FAM149A: variants seen among roughly 807,000 people sequenced by gnomAD.
FAM149A encodes the protein protein FAM149A.
FAM149A carries 71 observed loss-of-function variants against 78.2 expected under a neutral mutation model. The observed-to-expected ratio is 0.91, with a 90% CI of 0.75 to 1.11. The LOEUF is 1.11. Among genes scored for constraint, FAM149A ranks in the 50% least tolerant of loss-of-function variants. The pLI, the probability that FAM149A is intolerant of heterozygous loss-of-function variation, is 0.00. For synonymous variants in FAM149A, 446 were observed against 410.5 expected, an observed-to-expected ratio of 1.09 and a Z score of -1.04; for missense variants, 1,036 against 971.0, an observed-to-expected ratio of 1.07 and a Z score of -0.89.
rs1022199621 is a variant in FAM149A, at chr4:186,144,114, C to T, written c.567-5059C>T. On this transcript the variant is annotated intron_variant, in intron 1 of 13. Coordinates refer to ENST00000389354, the MANE Select transcript of FAM149A (RefSeq NM_001367768.3). This position sits in a 1 kb window ranked among gnomAD's most constrained non-coding sequence, Gnocchi z 4.2. Reference sequence around the variant, plus strand: ...AGGCATGCCTCGTGCAGTGCCCACCCTCTGAGACTCAAAAATGTAGTTCAC... The same window carrying T: ...AGGCATGCCTCGTGCAGTGCCCACCTTCTGAGACTCAAAAATGTAGTTCAC... The T allele has an allele frequency of 6.6e-6, 1 of 152,218 alleles. No homozygotes were observed. The highest frequency in any genetic ancestry group is 2.4e-5 in the African/African-American group (1 of 41,446). 9.4% of individuals were successfully genotyped at this position (152,218 alleles called of 1,614,324 possible).
chr4:186,127,006 G>A, intron 1 of FAM149A: 1 of 985,396 alleles, frequency 1.0e-6, no homozygotes, highest in Non-Finnish European at 1.2e-6. Context: ...ATTTTGTAAT[G>A]GTAGAGCTGT....
In FAM149A at chr4:186,104,836, G is replaced by T. The variant is rs115416898; in HGVS notation, c.-241G>T. The T allele has an allele frequency of 0.12, 60,843 of 522,438 alleles. 3,809 individuals carry two copies. Among genetic ancestry groups the T allele is most frequent in the South Asian group, 0.13 (1,603 of 12,280 alleles). 32.4% of individuals were successfully genotyped at this position (522,438 alleles called of 1,614,324 possible). A position where few individuals can be genotyped will look rare whatever the true frequency, so the allele number is the denominator to read the frequency against. ...CTTCGGCCCTCGGGGGTCTCACGGC[G>T]CTGGGACGAGGCGGGGCTGCTCTCC... is the stretch of plus-strand genomic sequence containing the variant. On this transcript the variant is annotated 5_prime_UTR_variant, in exon 1 of 14. Coordinates refer to ENST00000389354, the MANE Select transcript of FAM149A (RefSeq NM_001367768.3).
chr4:186,110,518 A>G (rs1224793663), intron 1 of FAM149A, among the ~76,000 whole-genome samples: 10 of 141,164 alleles, frequency 7.1e-5, no homozygotes, highest in African/African-American at 1.9e-4. Flanking sequence ...AGCATTAGGT[A>G]TATCTCCCAA....
Position 186,137,012 on chromosome 4 carries a change from CTCTCTCTAA to C in FAM149A, c.567-12160_567-12152del, listed in dbSNP as rs1267266306. Reference sequence around the variant, plus strand: ...TCTCTCTCTCTCTCTCTCTCTCTCTCTCTCTCTAAGTGCTTAAAGCAGGGCCTGGTGTGT... The same window carrying C: ...TCTCTCTCTCTCTCTCTCTCTCTCTCGTGCTTAAAGCAGGGCCTGGTGTGT... On this transcript the variant is annotated intron_variant, in intron 1 of 13. Coordinates refer to ENST00000389354, the MANE Select transcript of FAM149A (RefSeq NM_001367768.3). 3.8e-3 allele frequency among the ~76,000 whole-genome samples: 482 copies of C among 127,032 alleles called. 6 individuals carry two copies. Among genetic ancestry groups the C allele is most frequent in the East Asian group, 0.02 (55 of 2,820 alleles). 83.3% of individuals were successfully genotyped at this position (127,032 alleles called of 152,430 possible). A position where few individuals can be genotyped will look rare whatever the true frequency, so the allele number is the denominator to read the frequency against.
intron 1 of FAM149A, among the ~76,000 whole-genome samples, chr4:186,136,995 TC>T (rs2099323513): frequency 7.0e-6 from 1 of 142,832 alleles, no homozygotes; most frequent in African/African-American, 2.6e-5. Flanking sequence ...TCTCTCTCTC[TC>T]TCTCTCTCTC....
chr4:186,129,327 A>C (rs1163192249), intron 1 of FAM149A, among the ~76,000 whole-genome samples: 4 of 152,190 alleles, frequency 2.6e-5, no homozygotes, highest in Non-Finnish European at 4.4e-5. Flanking sequence ...GATTGACCAA[A>C]GGAGAGAGCA....
intron 1 of FAM149A, chr4:186,125,810 G>A: frequency 2.0e-6 from 2 of 985,316 alleles, no homozygotes; most frequent in Non-Finnish European, 1.2e-6. Flanking sequence ...CAACCGTTTG[G>A]AAGGGAGGCC....
intron 1 of FAM149A, chr4:186,118,362 C>T (rs142907922): frequency 4.9e-5 from 19 of 391,196 alleles, no homozygotes; most frequent in African/African-American, 2.8e-4. Flanking sequence ...GTCCATGAAG[C>T]GGTAAGTGCA....
At position 186,136,976 on chromosome 4, in the gene FAM149A, T is replaced by TTCTCTCTCTCTCTCTC. The variant is rs70964917; in HGVS notation, c.567-12169_567-12154dup. ...TCTCTCTCTCTCTTTCTCTCTCTCT[T>TTCTCTCTCTCTCTCTC]TCTCTCTCTCTCTCTCTCTCTCTCT... is the stretch of plus-strand genomic sequence containing the variant. On this transcript the variant is annotated intron_variant, in intron 1 of 13. Transcript: ENST00000389354. Among the ~76,000 whole-genome samples the TTCTCTCTCTCTCTCTC allele has an allele frequency of 3.1e-4, 22 of 72,104 alleles. 1 individual carries two copies. The highest frequency in any genetic ancestry group is 5.0e-4 in the Admixed American group (3 of 6,032). The allele number at this position is 72,104 out of a possible 152,430, so 47.3% of individuals were successfully genotyped here.
In FAM149A at chr4:186,146,748, G is replaced by T. The variant is rs1733076161; in HGVS notation, c.567-2425G>T. On this transcript the variant is annotated intron_variant, in intron 1 of 13. Transcript: ENST00000389354. ...CAAAGAAGAGCTGTGACTTTTTAAC[G>T]AGTAAAACGTTATCCAATAGTGTCT... is the stretch of plus-strand genomic sequence containing the variant. The T allele has an allele frequency of 1.9e-5, 18 of 967,266 alleles. No individual in the cohort carries two copies. The South Asian group carries it at 8.6e-4, about 46-fold the overall frequency. The allele number at this position is 967,266 out of a possible 1,614,324, so 59.9% of individuals were successfully genotyped here.
chr4:186,132,536 G>C (rs941172553), intron 1 of FAM149A, among the ~76,000 whole-genome samples: 2 of 152,208 alleles, frequency 1.3e-5, no homozygotes, highest in Non-Finnish European at 2.9e-5. Flanking sequence ...GAATGTGCCA[G>C]GGAGACAGGT....
rs140552284 is a variant in FAM149A at position 186,121,246 on chromosome 4, A to T, written c.566+15604A>T. ...CAATTAGAGATGGCATTGCCAGGGA[A>T]AGGCTGTTCCTGCACGTCAGCATTT... On this transcript the variant is annotated intron_variant, in intron 1 of 13. Coordinates refer to ENST00000389354, the MANE Select transcript of FAM149A (RefSeq NM_001367768.3). 1.6e-3 allele frequency among the ~76,000 whole-genome samples: 240 copies of T among 152,318 alleles called. 1 individual carries two copies. The highest frequency in any genetic ancestry group is 5.5e-3 in the African/African-American group (227 of 41,562).
chr4:186,105,652 A>C lies in FAM149A; in HGVS notation c.566+10A>C. 9.4e-7 allele frequency: 1 copy of C among 1,058,362 alleles called. No homozygotes were observed. The highest frequency in any genetic ancestry group is 1.1e-6 in the Non-Finnish European group (1 of 871,548). 65.6% of individuals were successfully genotyped at this position (1,058,362 alleles called of 1,614,324 possible). ...CCGGGGATGGCGAAGCGTGAGTAGC[A>C]GCGTGGTCCGGGCGCGTGTACCTTT... On this transcript the variant is annotated intron_variant, in intron 1 of 13. Transcript: ENST00000389354.
chr4:186,155,908 G>A, intron 6 of FAM149A, 92 bp from the exon 7 acceptor site: 1 of 934,382 alleles, frequency 1.1e-6, no homozygotes, highest in South Asian at 1.9e-5. Context: ...ATTAATATAT[G>A]TATACATGTA....
At chr4:186,158,631 A>ACC in intron 8 of FAM149A, 1 of 290,496 alleles carries the variant, frequency 3.4e-6, no homozygotes, top group African/African-American at 2.5e-5. Flanking sequence ...CAGCCCCTGC[A>ACC]CACACTGCCG....
At chr4:186,127,225 C>T in intron 1 of FAM149A, 1 of 964,760 alleles carries the variant, frequency 1.0e-6, no homozygotes, top group Non-Finnish European at 1.2e-6. Context: ...CAAGGAGGAA[C>T]TATTTTCACC....
At chr4:186,148,041 T>C (rs1002634202) in intron 1 of FAM149A, among the ~76,000 whole-genome samples, 1 of 152,208 alleles carries the variant, frequency 6.6e-6, no homozygotes, top group Non-Finnish European at 1.5e-5. Context: ...AAATTCTCTT[T>C]GTTGGCTGGG....
At chr4:186,127,389 G>A (rs2099318781) in intron 1 of FAM149A, 6 of 985,280 alleles carry the variant, frequency 6.1e-6, no homozygotes, top group Non-Finnish European at 7.2e-6. Flanking sequence ...GAAACAAGGG[G>A]ATGCTTTTGA....
rs1734148659 is a variant in FAM149A at position 186,157,580 on chromosome 4, G to A, written c.1436G>A (p.Arg479Lys). 2.5e-6 allele frequency: 4 copies of A among 1,614,134 alleles called. No homozygotes were observed. In the East Asian group the frequency reaches 8.9e-5, roughly 36 times the overall value. Residue 479 changes from arginine to lysine, a missense_variant, in exon 8 of 14, where the codon AGA becomes AAA. By Grantham distance (26) the Arg-to-Lys change is conservative. Around this residue, in one of 3 missense-constraint regions of FAM149A, gnomAD observed 716 missense variants for 711.8 expected, o/e 1.01. Transcript: ENST00000389354. ...GTTGACACAGAAGGGAAAAAACAGA[G>A]AGAAACATTGAAAGTGGCTGGAAAC... is the stretch of plus-strand genomic sequence containing the variant.
Sources: gnomAD v4.1 joint callset for allele counts (sites outside exome capture counted in the v4.1 genomes callset) on GRCh38, gnomAD v4.1.1 for gene constraint, gnomAD v4.1.1 regional missense constraint, Gnocchi (gnomAD v3.1) non-coding constraint, MANE v1.5 for transcripts, NCBI Gene and HGNC (gene_info 2026-07-23, HGNC 2026-07-21) for gene names.